The following SLCO1B1 variants were observed in gnomAD, a reference collection of about 807,000 sequenced individuals.
SLCO1B1 encodes OATP-2.
A neutral mutation model predicts 70.1 loss-of-function variants in SLCO1B1; 81 were observed. The observed-to-expected ratio is 1.16, with a 90% CI of 0.97 to 1.39. The LOEUF is 1.39. Among genes scored for constraint, SLCO1B1 ranks in the 40% most tolerant of loss-of-function variants. The pLI is 0.00. For missense variants in SLCO1B1, 895 were observed against 799.6 expected (o/e 1.12, Z -1.44); for synonymous variants, 283 against 271.5 (o/e 1.04, Z -0.42).
At chr12:21,214,378 G>A (rs577401659) in intron 11 of SLCO1B1, among the ~76,000 whole-genome samples, 1 of 150,140 alleles carries the variant, frequency 6.7e-6, no homozygotes, top group Admixed American at 6.6e-5. Context: ...CTGCTCAGGG[G>A]TCAGGGGTCA....
intron 14 of SLCO1B1, among the ~76,000 whole-genome samples, chr12:21,230,820 CT>C (rs1204511453): frequency 6.6e-6 from 1 of 151,924 alleles, no homozygotes; most frequent in Non-Finnish European, 1.5e-5. Flanking sequence ...TTGATGCTTT[CT>C]TTTTTATTAT....
chr12:21,176,813 G>C lies in SLCO1B1; in HGVS notation c.397G>C (p.Glu133Gln), dbSNP rs1370506945. 1.3e-6 allele frequency: 2 copies of C among 1,542,256 alleles called. No homozygotes were observed. Among genetic ancestry groups the C allele is most frequent in the Non-Finnish European group, 1.8e-6 (2 of 1,115,378 alleles). The change falls in exon 5 of 15, where the codon GAA (glutamate) becomes CAA (glutamine). Residue 133 changes from glutamate to glutamine, a missense_variant. By Grantham distance (29) the Glu-to-Gln change is conservative. Coordinates refer to ENST00000256958, the MANE Select transcript of SLCO1B1 (RefSeq NM_006446.5). ...YSKETNINSSENSTSTLSTCL... is the reference protein window; with the variant it reads ...YSKETNINSSQNSTSTLSTCL... ...TAAAGAAACTAATATCAATTCATCAGAAAATTCAACATCGACCTTATCCAC... is the reference window on the plus strand; with the variant it reads ...TAAAGAAACTAATATCAATTCATCACAAAATTCAACATCGACCTTATCCAC...
At chr12:21,226,580 G>A (rs900459885) in intron 14 of SLCO1B1, among the ~76,000 whole-genome samples, 2 of 151,868 alleles carry the variant, frequency 1.3e-5, no homozygotes, top group African/African-American at 4.8e-5. Flanking sequence ...TGGAGCACAG[G>A]GCATTTTAAG....
At chr12:21,180,114 T>C (rs754490130) in intron 7 of SLCO1B1, among the ~76,000 whole-genome samples, 1 of 152,140 alleles carries the variant, frequency 6.6e-6, no homozygotes, top group Non-Finnish European at 1.5e-5. Flanking sequence ...CCATTTTCCC[T>C]CCTTAGATAT....
intron 2 of SLCO1B1, among the ~76,000 whole-genome samples, chr12:21,151,545 A>G (rs1940470957): frequency 6.6e-6 from 1 of 152,168 alleles, no homozygotes; most frequent in South Asian, 2.1e-4. Flanking sequence ...TATGTCTTAG[A>G]TTAAGAATAA....
chr12:21,222,343 T>C lies in SLCO1B1; in HGVS notation c.1726T>C (p.Ser576Pro). 1 of 722,164 alleles carries C rather than the reference T, an allele frequency of 1.4e-6. No homozygotes were observed. The highest frequency in any genetic ancestry group is 2.0e-6 in the Non-Finnish European group (1 of 505,124). The allele number at this position is 722,164 out of a possible 1,614,324, so 44.7% of individuals were successfully genotyped here. The change falls in exon 13 of 15, where the codon TCA becomes CCA. Residue 576 changes from serine (S) to proline (P), a missense_variant. Coordinates refer to ENST00000256958, the MANE Select transcript of SLCO1B1 (RefSeq NM_006446.5). ...GAAATCACTTGCACTGGGTTTCCACTCAATGGTTATACGAGCACTAGGTAT... is the reference window on the plus strand; with the variant it reads ...GAAATCACTTGCACTGGGTTTCCACCCAATGGTTATACGAGCACTAGGTAT... The part of the protein sequence containing the change: ...ELKSLALGFH[S>P]MVIRALGGIL...
intron 2 of SLCO1B1, among the ~76,000 whole-genome samples, chr12:21,159,016 C>T (rs1208567595): frequency 1.3e-5 from 2 of 152,082 alleles, no homozygotes; most frequent in African/African-American, 4.8e-5. Flanking sequence ...ATTCTACTAA[C>T]TGAATTGAAG....
At chr12:21,144,430 C>T (rs2121045861) in intron 2 of SLCO1B1, among the ~76,000 whole-genome samples, 1 of 151,984 alleles carries the variant, frequency 6.6e-6, no homozygotes, top group African/African-American at 2.4e-5. Flanking sequence ...AGAGACCAAG[C>T]CTGTGACTCA....
rs540856939 is a variant in SLCO1B1, at chr12:21,160,867, T to C, written c.85-11783T>C. Among the ~76,000 whole-genome samples, 45 of 152,146 alleles carry C rather than the reference T, an allele frequency of 3.0e-4. 1 individual carries two copies. In the South Asian group the frequency reaches 7.7e-3, roughly 26 times the overall value. Reference sequence around the variant, plus strand: ...AGGCAAAGGGTATGAACAGACACTTTTCAAAAGAAGACATACACATGGCCA... The same window carrying C: ...AGGCAAAGGGTATGAACAGACACTTCTCAAAAGAAGACATACACATGGCCA... On this transcript the variant is annotated intron_variant, in intron 2 of 14. Transcript: ENST00000256958.
chr12:21,172,893 G>A (rs1188235072), intron 3 of SLCO1B1, 102 bp downstream of exon 3: 2 of 1,083,908 alleles, frequency 1.8e-6, no homozygotes, highest in East Asian at 2.6e-5. Flanking sequence ...TCTCTCACAG[G>A]CAATTTGGCA....
At chr12:21,205,401 A>G (rs1036571820) in intron 10 of SLCO1B1, among the ~76,000 whole-genome samples, 1 of 151,802 alleles carries the variant, frequency 6.6e-6, no homozygotes, top group African/African-American at 2.4e-5. Flanking sequence ...TTTTTCTTAC[A>G]TATTAAAATA....
chr12:21,156,214 A>G (rs1940540757), intron 2 of SLCO1B1, among the ~76,000 whole-genome samples: 1 of 152,166 alleles, frequency 6.6e-6, no homozygotes, highest in Non-Finnish European at 1.5e-5. Flanking sequence ...CTTTGTAAAG[A>G]ACAACATTAG....
chr12:21,173,149 G>A (rs1457640138), intron 3 of SLCO1B1, among the ~76,000 whole-genome samples: 1 of 152,180 alleles, frequency 6.6e-6, no homozygotes, highest in Non-Finnish European at 1.5e-5. Context: ...AACTTTGGGA[G>A]AGGACTGTTA....
intron 11 of SLCO1B1, among the ~76,000 whole-genome samples, chr12:21,215,294 A>G (rs1591824150): frequency 6.6e-6 from 1 of 152,258 alleles, no homozygotes; most frequent in East Asian, 1.9e-4. Flanking sequence ...TGCACATTAT[A>G]TATGAAGTTG....
At chr12:21,157,842 T>C (rs1047184299) in intron 2 of SLCO1B1, among the ~76,000 whole-genome samples, 1 of 152,204 alleles carries the variant, frequency 6.6e-6, no homozygotes, top group East Asian at 1.9e-4. Context: ...CCTCGTGATC[T>C]GCCCACCTCG....
intron 7 of SLCO1B1, among the ~76,000 whole-genome samples, chr12:21,192,041 T>C (rs1941034938): frequency 6.6e-6 from 1 of 152,068 alleles, no homozygotes; most frequent in South Asian, 2.1e-4. Flanking sequence ...TTTTCTCCTC[T>C]GTCTTCATCA....
At chr12:21,162,949 TG>T (rs1940639585) in intron 2 of SLCO1B1, among the ~76,000 whole-genome samples, 1 of 152,190 alleles carries the variant, frequency 6.6e-6, no homozygotes, top group Admixed American at 6.5e-5. Context: ...GTTATTTTTG[TG>T]GGATATCTGG....
chr12:21,148,573 T>A (rs992372738), intron 2 of SLCO1B1, among the ~76,000 whole-genome samples: 9 of 152,144 alleles, frequency 5.9e-5, no homozygotes, highest in African/African-American at 2.2e-4. Flanking sequence ...GGTCTATATA[T>A]CTGTTTTGGT....
chr12:21,203,393 C>T (rs1169272052), intron 10 of SLCO1B1, among the ~76,000 whole-genome samples: 1 of 151,944 alleles, frequency 6.6e-6, no homozygotes, highest in Non-Finnish European at 1.5e-5. Flanking sequence ...GAATCCTATG[C>T]AGTTTTCTGA....
Sources: allele counts gnomAD v4.1 joint callset (sites outside exome capture counted in the v4.1 genomes callset), GRCh38; gene constraint gnomAD v4.1.1; transcripts MANE v1.5; gene names NCBI Gene and HGNC (gene_info 2026-07-23, HGNC 2026-07-21).